DIP2A: variants seen among roughly 807,000 people sequenced by gnomAD.
DIP2A encodes the protein disco-interacting protein 2 homolog A.
In DIP2A, 85 loss-of-function variants were observed where a neutral mutation model predicts 177.4. That is an observed-to-expected ratio of 0.48 (90% CI 0.40 to 0.57). The LOEUF (loss-of-function observed/expected upper bound fraction) is 0.57. DIP2A is among the 20% of genes least tolerant of loss of function. The pLI is 0.00. For synonymous variants in DIP2A, 886 were observed against 881.8 expected (o/e 1.00, Z -0.08); for missense variants, 1,791 against 2,100.2 (o/e 0.85, Z 2.88).
chr21:46,582,821 C>G, the DIP2A span, among the ~76,000 whole-genome samples: 2 of 151,936 alleles, frequency 1.3e-5, no homozygotes, highest in African/African-American at 4.8e-5. Context: ...CTTGGATCCA[C>G]AGAAAAAGCA....
At chr21:46,530,036 G>A (rs1483392766) in intron 9 of DIP2A, among the ~76,000 whole-genome samples, 1 of 152,200 alleles carries the variant, frequency 6.6e-6, no homozygotes, top group Non-Finnish European at 1.5e-5. Flanking sequence ...GGGCTCAGTA[G>A]GAGTGTGGCT....
chr21:46,555,507 G>T (rs1032841557), intron 28 of DIP2A: 8 of 201,612 alleles, frequency 4.0e-5, no homozygotes, highest in Non-Finnish European at 8.2e-5. Context: ...AGCGGTGCCT[G>T]CCCTGCTGAG....
At chr21:46,476,139 G>A (rs906942727) in intron 1 of DIP2A, among the ~76,000 whole-genome samples, 12 of 151,894 alleles carry the variant, frequency 7.9e-5, no homozygotes, top group African/African-American at 2.2e-4. Flanking sequence ...CCAGCTACTC[G>A]GGAGGCTGAG....
chr21:46,467,239 T>C (rs1172728172), intron 1 of DIP2A, among the ~76,000 whole-genome samples: 1 of 140,866 alleles, frequency 7.1e-6, no homozygotes, highest in African/African-American at 2.7e-5. Flanking sequence ...GAGGTTGCAG[T>C]GAGCCGATAT....
chr21:46,554,477 C>CT, intron 26 of DIP2A, 98 bp from the exon 27 acceptor site: 2 of 1,550,860 alleles, frequency 1.3e-6, no homozygotes, highest in Non-Finnish European at 1.7e-6. Context: ...CATGCCCCCC[C>CT]AGCACCACCT....
intron 5 of DIP2A, among the ~76,000 whole-genome samples, chr21:46,500,857 C>T (rs545044737): frequency 6.6e-6 from 1 of 152,258 alleles, no homozygotes; most frequent in Admixed American, 6.5e-5. Context: ...GGTTTATTAC[C>T]TATGTTGGTG....
chr21:46,518,718 G>A (rs1371692066), intron 8 of DIP2A, among the ~76,000 whole-genome samples: 1 of 152,184 alleles, frequency 6.6e-6, no homozygotes, highest in African/African-American at 2.4e-5. Context: ...TCAGCCGGGT[G>A]TGGTGGCATG....
chr21:46,562,754 G>A (rs973040846), intron 34 of DIP2A, among the ~76,000 whole-genome samples: 2 of 152,200 alleles, frequency 1.3e-5, no homozygotes, highest in Non-Finnish European at 2.9e-5. Flanking sequence ...CCCTGTTACA[G>A]TCACTTCAGG....
At chr21:46,461,057 A>G (rs909443368) in intron 1 of DIP2A, among the ~76,000 whole-genome samples, 5 of 151,844 alleles carry the variant, frequency 3.3e-5, no homozygotes, top group African/African-American at 1.2e-4. Flanking sequence ...TTGTAATCCC[A>G]ACACTTTGGG....
the DIP2A span, among the ~76,000 whole-genome samples, chr21:46,581,742 C>T: frequency 6.6e-6 from 1 of 152,114 alleles, no homozygotes; most frequent in Non-Finnish European, 1.5e-5. Flanking sequence ...ACCCTATTCA[C>T]CTGGATCCCT....
At chr21:46,509,134 G>A in intron 6 of DIP2A, 123 bp from the exon 7 acceptor site, 1 of 1,070,392 alleles carries the variant, frequency 9.3e-7, no homozygotes, top group Non-Finnish European at 1.3e-6. Context: ...GTCCAGTGGG[G>A]CCCACACTTG....
intron 3 of DIP2A, among the ~76,000 whole-genome samples, chr21:46,493,644 A>T (rs193044692): frequency 2.6e-5 from 4 of 151,986 alleles, no homozygotes; most frequent in African/African-American, 7.3e-5. Context: ...TTTCAAGGTG[A>T]TTTACCTTTT....
chr21:46,466,060 T>A (rs1005884714), intron 1 of DIP2A, among the ~76,000 whole-genome samples: 2 of 152,184 alleles, frequency 1.3e-5, no homozygotes, highest in African/African-American at 4.8e-5. Flanking sequence ...TTTGAAAAAA[T>A]TTATCTGCTA....
chr21:46,545,749 A>G, intron 19 of DIP2A, 132 bp from the exon 20 acceptor site: 1 of 1,057,214 alleles, frequency 9.5e-7, no homozygotes, highest in Non-Finnish European at 1.4e-6. Context: ...GGGCCTATGC[A>G]GGGCCAGCCT....
intron 3 of DIP2A, among the ~76,000 whole-genome samples, chr21:46,493,837 A>G (rs929421191): frequency 6.6e-6 from 1 of 152,196 alleles, no homozygotes; most frequent in African/African-American, 2.4e-5. Flanking sequence ...TGAAGCGTCT[A>G]CAAAACTGGC....
rs765725867 is a variant in DIP2A at position 46,504,504 on chromosome 21, C to T, written c.784+15C>T. On this transcript the variant is annotated intron_variant, in intron 6 of 37. Coordinates refer to ENST00000417564, the MANE Select transcript of DIP2A (RefSeq NM_015151.4). ...AACAGCAGATGGTGAGCCTGCCTCT[C>T]TTTCTCCTCGTGAAATAGCAGAACA... 1 of 1,592,832 alleles carries T rather than the reference C, an allele frequency of 6.3e-7. No individual in the cohort carries two copies. Among genetic ancestry groups the T allele is most frequent in the East Asian group, 2.2e-5 (1 of 44,640 alleles).
intron 1 of DIP2A, among the ~76,000 whole-genome samples, chr21:46,471,631 G>GAAGAC (rs1436525793): frequency 3.3e-5 from 5 of 152,168 alleles, no homozygotes; most frequent in African/African-American, 9.7e-5. Context: ...TATTGTCAGT[G>GAAGAC]AAGACACAAC....
chr21:46,504,487 A>G lies in DIP2A; in HGVS notation c.782A>G (p.Asp261Gly). ...GCSGSMLETADGVPVNSRVSS... is the reference protein window; with the variant it reads ...GCSGSMLETAGGVPVNSRVSS... The stretch of plus-strand genomic sequence containing the variant: ...AGCGGGAGCATGCTGGAAACAGCAG[A>G]TGGTGAGCCTGCCTCTCTTTCTCCT... The change falls in exon 6 of 38, where the codon GAT becomes GGT. Residue 261 changes from aspartate to glycine, a missense_variant and splice_region_variant. Coordinates refer to ENST00000417564, the MANE Select transcript of DIP2A (RefSeq NM_015151.4). 2 of 1,604,066 alleles carry G rather than the reference A, an allele frequency of 1.2e-6. No homozygotes were observed. The highest frequency in any genetic ancestry group is 1.7e-6 in the Non-Finnish European group (2 of 1,174,728).
At chr21:46,562,227 C>T (rs2060690138) in intron 34 of DIP2A, among the ~76,000 whole-genome samples, 1 of 152,124 alleles carries the variant, frequency 6.6e-6, no homozygotes, top group Non-Finnish European at 1.5e-5. Context: ...GCCCCCAGAC[C>T]CTGTCGGGGA....
Sources: gnomAD v4.1 joint callset for allele counts (sites outside exome capture counted in the v4.1 genomes callset) on GRCh38, gnomAD v4.1.1 for gene constraint, MANE v1.5 for transcripts, NCBI Gene and HGNC (gene_info 2026-07-23, HGNC 2026-07-21) for gene names.